Variants in PCDHA6 observed in about 807,000 individuals in gnomAD.
PCDHA6 encodes the protein protocadherin alpha-6.
PCDHA6 carries 55 observed loss-of-function variants against 60.3 expected under a neutral mutation model. The ratio of observed to expected loss-of-function variants is 0.91; its 90% CI spans 0.73 to 1.14. The LOEUF is 1.14. Ranked by LOEUF, PCDHA6 falls within the 50% of genes most tolerant of loss-of-function variation. The pLI is 0.00. For synonymous variants in PCDHA6, 652 were observed against 557.9 expected (o/e 1.17, Z -2.38); for missense variants, 1,327 against 1,256.5 (o/e 1.06, Z -0.85).
chr5:140,861,110 T>C (rs2046757682), intron 1 of PCDHA6: 1 of 152,560 alleles, frequency 6.6e-6, no homozygotes, highest in Non-Finnish European at 1.5e-5. Flanking sequence ...CTTTAAAAAC[T>C]ACAAACACCC....
intron 1 of PCDHA6, chr5:140,836,284 C>T (rs2150256843): frequency 6.2e-7 from 1 of 1,613,808 alleles, no homozygotes; most frequent in South Asian, 1.1e-5. Context: ...ATCAGCACGA[C>T]ACGAGCCCTA....
rs1266651704 is a variant in PCDHA6, at chr5:140,877,267, G to A, written c.2394+46782G>A. ...GGTGGCGAAAGTGCGCGCGGTGGAC[G>A]CTGACTCCGGCTATAACGCTTGGCT... On this transcript the variant is annotated intron_variant, in intron 1 of 3. Coordinates refer to ENST00000529310, the MANE Select transcript of PCDHA6 (RefSeq NM_018909.4). 1.2e-5 allele frequency: 20 copies of A among 1,613,680 alleles called. No homozygotes were observed. Among genetic ancestry groups the A allele is most frequent in the Admixed American group, 6.7e-5 (4 of 59,982 alleles).
intron 1 of PCDHA6, chr5:140,869,536 T>G: frequency 6.2e-7 from 1 of 1,614,170 alleles, no homozygotes; most frequent in Non-Finnish European, 8.5e-7. Flanking sequence ...GATTGCGGAA[T>G]CTAAGCAATC....
At chr5:140,919,452 A>G (rs1430872710) in intron 1 of PCDHA6, among the ~76,000 whole-genome samples, 4 of 152,182 alleles carry the variant, frequency 2.6e-5, no homozygotes, top group Non-Finnish European at 4.4e-5. Context: ...ATGTATTCAC[A>G]TGATGTTACT....
rs562713934 is a variant in PCDHA6, at chr5:140,967,172, G to A, written c.2395-11777G>A. 1.1e-5 allele frequency: 17 copies of A among 1,612,080 alleles called. No individual in the cohort carries two copies. The highest frequency in any genetic ancestry group is 2.2e-5 in the East Asian group (1 of 44,778). On this transcript the variant is annotated intron_variant, in intron 1 of 3. Coordinates refer to ENST00000529310, the MANE Select transcript of PCDHA6 (RefSeq NM_018909.4). ...CCCCGTGGCGGTGAGCGCCGTTGAG[G>A]TGGAAATATTGGACATCAACGACAA...
intron 1 of PCDHA6, among the ~76,000 whole-genome samples, chr5:140,873,086 C>A (rs984385666): frequency 1.3e-5 from 2 of 152,240 alleles, no homozygotes; most frequent in African/African-American, 2.4e-5. Flanking sequence ...ATTTCCCCCC[C>A]GTATAGAGGC....
intron 1 of PCDHA6, among the ~76,000 whole-genome samples, chr5:140,844,016 T>G (rs1779187078): frequency 6.7e-6 from 1 of 149,762 alleles, no homozygotes; most frequent in Non-Finnish European, 1.5e-5. Flanking sequence ...CTAAGGACGT[T>G]CAGGGCATTT....
At chr5:140,864,940 G>T (rs528676037) in intron 1 of PCDHA6, 4 of 152,296 alleles carry the variant, frequency 2.6e-5, no homozygotes, top group African/African-American at 9.6e-5. Flanking sequence ...TCTCAGGCCT[G>T]TAATCCCAGC....
chr5:140,912,794 C>T (rs1554195532), intron 1 of PCDHA6, among the ~76,000 whole-genome samples: 1 of 151,998 alleles, frequency 6.6e-6, no homozygotes, highest in South Asian at 2.1e-4. Context: ...TGCCAATTTT[C>T]TTGAGGGTTT....
At chr5:140,834,343 G>A in intron 1 of PCDHA6, 2 of 1,517,652 alleles carry the variant, frequency 1.3e-6, no homozygotes, top group South Asian at 1.3e-5. Context: ...TAAATTCGAA[G>A]GCAAGTTTTG....
At position 140,834,737 on chromosome 5, in the gene PCDHA6, T is replaced by G. The variant is rs2150225179; in HGVS notation, c.2394+4252T>G. ...TGGAAAGGCCGCTGCAGGTTTTCCATGTGGACGTGGAGGTGAAGGACATTA... is the reference window on the plus strand; with the variant it reads ...TGGAAAGGCCGCTGCAGGTTTTCCAGGTGGACGTGGAGGTGAAGGACATTA... On this transcript the variant is annotated intron_variant, in intron 1 of 3. Coordinates refer to ENST00000529310, the MANE Select transcript of PCDHA6 (RefSeq NM_018909.4). The G allele has an allele frequency of 1.1e-5, 18 of 1,614,112 alleles. No homozygotes were observed. The East Asian group carries it at 4.0e-4, about 36-fold the overall frequency.
At chr5:140,858,581 T>A in intron 1 of PCDHA6, 1 of 1,350,098 alleles carries the variant, frequency 7.4e-7, no homozygotes, top group Non-Finnish European at 1.0e-6. Flanking sequence ...CTTTGTAATA[T>A]AATTTATTCC....
intron 1 of PCDHA6, chr5:140,869,893 C>T (rs375422597): frequency 6.2e-7 from 1 of 1,610,510 alleles, no homozygotes; most frequent in Admixed American, 1.7e-5. Flanking sequence ...TGTGCTCAAA[C>T]TAAACGCCAC....
At chr5:140,987,565 T>C (rs1407426548) in intron 3 of PCDHA6, among the ~76,000 whole-genome samples, 1 of 152,344 alleles carries the variant, frequency 6.6e-6, no homozygotes, top group East Asian at 1.9e-4. Flanking sequence ...TCTCAGTTTC[T>C]TTCTCTATAA....
In PCDHA6 at chr5:140,998,286, A is replaced by G. The variant is rs913397915; in HGVS notation, c.2543-11341A>G. Among the ~76,000 whole-genome samples, 51 of 152,230 alleles carry G rather than the reference A, an allele frequency of 3.4e-4. 1 individual carries two copies. Among genetic ancestry groups the G allele is most frequent in the Non-Finnish European group, 1.5e-5 (1 of 68,044 alleles). On this transcript the variant is annotated intron_variant, in intron 3 of 3. Coordinates refer to ENST00000529310, the MANE Select transcript of PCDHA6 (RefSeq NM_018909.4). ...AAACTGACACCCATAGGATTAAATC[A>G]GATCACACATTTAGTAAGGGCACCA...
chr5:140,884,811 T>C (rs782097563), intron 1 of PCDHA6: 155 of 1,119,034 alleles, frequency 1.4e-4, no homozygotes, highest in Non-Finnish European at 1.9e-4. Context: ...AACTCTGCTG[T>C]GGACATTATG....
intron 1 of PCDHA6, chr5:140,876,687 C>CA (rs2056504367): frequency 1.2e-6 from 2 of 1,614,212 alleles, no homozygotes; most frequent in Non-Finnish European, 1.7e-6. Context: ...AGAATTACTA[C>CA]TCGTTGGTGC....
chr5:140,982,224 A>T, intron 2 of PCDHA6: 1 of 587,320 alleles, frequency 1.7e-6, no homozygotes, highest in South Asian at 3.8e-5. Context: ...TGGCGTTAAT[A>T]AAAAACAGAA....
intron 1 of PCDHA6, among the ~76,000 whole-genome samples, chr5:140,935,364 G>A (rs1480423579): frequency 2.0e-5 from 3 of 152,008 alleles, no homozygotes; most frequent in African/African-American, 4.8e-5. Flanking sequence ...TTTCATTAAC[G>A]TCAACAGAAT....
Sources: gnomAD v4.1 joint callset for allele counts (sites outside exome capture counted in the v4.1 genomes callset) on GRCh38, gnomAD v4.1.1 for gene constraint, MANE v1.5 for transcripts, NCBI Gene and HGNC (gene_info 2026-07-23, HGNC 2026-07-21) for gene names.